PTPN1: variants seen among roughly 807,000 people sequenced by gnomAD.
PTPN1 encodes tyrosine-protein phosphatase non-receptor type 1.
A neutral mutation model predicts 59.9 loss-of-function variants in PTPN1; 12 were observed. The ratio of observed to expected loss-of-function variants is 0.20; its 90% CI spans 0.13 to 0.32. The LOEUF (loss-of-function observed/expected upper bound fraction) is 0.32. Ranked by LOEUF, PTPN1 falls within the 10% of genes least tolerant of loss-of-function variation. PTPN1 has a pLI of 1.00. For synonymous variants in PTPN1, 178 were observed against 203.6 expected, an observed-to-expected ratio of 0.87 and a Z score of 1.07; for missense variants, 356 against 549.2, an observed-to-expected ratio of 0.65 and a Z score of 3.52.
At chr20:50,541,624 C>G (rs1470059564) in intron 1 of PTPN1, among the ~76,000 whole-genome samples, 3 of 152,142 alleles carry the variant, frequency 2.0e-5, no homozygotes, top group African/African-American at 7.2e-5. Flanking sequence ...CTTCCTCTCT[C>G]CTTTCTGACC....
intron 1 of PTPN1, among the ~76,000 whole-genome samples, chr20:50,516,704 T>C (rs780594793): frequency 1.3e-5 from 2 of 152,228 alleles, no homozygotes; most frequent in East Asian, 3.8e-4. Flanking sequence ...TGAGTAGCCC[T>C]GACACGTACG....
At chr20:50,513,812 A>G (rs1017737526) in intron 1 of PTPN1, among the ~76,000 whole-genome samples, 1 of 152,216 alleles carries the variant, frequency 6.6e-6, no homozygotes, top group Non-Finnish European at 1.5e-5. Flanking sequence ...AATAATGTTT[A>G]TTTAAATACT....
chr20:50,567,846 A>G (rs545140882), intron 3 of PTPN1, among the ~76,000 whole-genome samples: 18 of 152,360 alleles, frequency 1.2e-4, no homozygotes, highest in African/African-American at 4.3e-4. Flanking sequence ...GACTGTGCTA[A>G]GTACTTTATA....
chr20:50,550,072 C>A (rs180862596), intron 1 of PTPN1, among the ~76,000 whole-genome samples: 114 of 151,932 alleles, frequency 7.5e-4, no homozygotes, highest in African/African-American at 2.7e-3. Flanking sequence ...ACCCCACCCC[C>A]CCTTCTATAT....
intron 1 of PTPN1, among the ~76,000 whole-genome samples, chr20:50,525,761 T>G (rs879777963): frequency 1.4e-4 from 21 of 152,200 alleles, no homozygotes; most frequent in Non-Finnish European, 2.4e-4. Flanking sequence ...GAGTTTTTTT[T>G]TTCTCTTTCT....
rs184251638 is a variant in PTPN1, at chr20:50,510,497, G to C, written c.-31G>C. Reference sequence around the variant, plus strand: ...AGCGGCAGACGGCGCAGTGGGCCGAGAAGGAGGCGCAGCAGCCGCCCTGGC... The same window carrying C: ...AGCGGCAGACGGCGCAGTGGGCCGACAAGGAGGCGCAGCAGCCGCCCTGGC... On this transcript the variant is annotated 5_prime_UTR_variant, in exon 1 of 10. Coordinates refer to ENST00000371621, the MANE Select transcript of PTPN1 (RefSeq NM_002827.4). 1,239 of 1,548,184 alleles carry C rather than the reference G, an allele frequency of 8.0e-4. 10 individuals are homozygous for C. In the African/African-American group the frequency reaches 0.015, roughly 19 times the overall value.
At chr20:50,511,397 G>A (rs184508523) in intron 1 of PTPN1, among the ~76,000 whole-genome samples, 259 of 152,296 alleles carry the variant, frequency 1.7e-3, no homozygotes, top group Non-Finnish European at 1.6e-3. Context: ...GAACCAAGAG[G>A]AGCAGAAAGC....
intron 1 of PTPN1, among the ~76,000 whole-genome samples, chr20:50,559,022 G>A (rs372438852): frequency 3.4e-4 from 50 of 147,564 alleles, no homozygotes; most frequent in Middle Eastern, 3.5e-3. Flanking sequence ...GACCTTACAC[G>A]TCAGGGAATT....
At chr20:50,539,112 C>T (rs1175843471) in intron 1 of PTPN1, among the ~76,000 whole-genome samples, 7 of 150,092 alleles carry the variant, frequency 4.7e-5, no homozygotes, top group African/African-American at 9.9e-5. Flanking sequence ...TTCGGCTCAC[C>T]GCAACCTCCA....
chr20:50,561,480 T>C, intron 2 of PTPN1, 27 bp downstream of exon 2: 2 of 1,477,926 alleles, frequency 1.4e-6, no homozygotes, highest in South Asian at 1.2e-5. Context: ...CCGGTACCAG[T>C]CTTGCTCTTC....
chr20:50,552,217 C>T (rs1005423063), intron 1 of PTPN1, among the ~76,000 whole-genome samples: 3 of 152,022 alleles, frequency 2.0e-5, no homozygotes, highest in Non-Finnish European at 4.4e-5. Context: ...TCCTATCACC[C>T]CTCAATTTTA....
At chr20:50,518,594 G>A (rs763837921) in intron 1 of PTPN1, among the ~76,000 whole-genome samples, 6 of 151,776 alleles carry the variant, frequency 4.0e-5, no homozygotes, top group Non-Finnish European at 5.9e-5. Flanking sequence ...TTTTTTTTTC[G>A]GGGCAGGGAG....
At chr20:50,529,914 G>A (rs554093209) in intron 1 of PTPN1, among the ~76,000 whole-genome samples, 3 of 151,696 alleles carry the variant, frequency 2.0e-5, no homozygotes, top group East Asian at 1.9e-4. Context: ...TTGCTCTGTC[G>A]CCCAGGCTGG....
chr20:50,580,390 C>T (rs1258021536), intron 8 of PTPN1, among the ~76,000 whole-genome samples: 1 of 152,132 alleles, frequency 6.6e-6, no homozygotes, highest in Non-Finnish European at 1.5e-5. Context: ...TTATTGAGTA[C>T]CTATTGATAT....
intron 1 of PTPN1, among the ~76,000 whole-genome samples, chr20:50,525,150 C>A (rs1388014405): frequency 6.6e-6 from 1 of 152,138 alleles, no homozygotes; most frequent in East Asian, 1.9e-4. Context: ...ACCTCCGCCT[C>A]CCAGGTTCAA....
At chr20:50,565,500 A>C (rs2082774715) in intron 3 of PTPN1, among the ~76,000 whole-genome samples, 1 of 152,214 alleles carries the variant, frequency 6.6e-6, no homozygotes, top group Non-Finnish European at 1.5e-5. Flanking sequence ...CATGGTTCTC[A>C]TTCTTTGGCC....
At chr20:50,520,121 C>T (rs2082544622) in intron 1 of PTPN1, among the ~76,000 whole-genome samples, 3 of 152,112 alleles carry the variant, frequency 2.0e-5, no homozygotes, top group Admixed American at 1.3e-4. Flanking sequence ...CCTGTAATCC[C>T]AGCACTTTGG....
intron 1 of PTPN1, among the ~76,000 whole-genome samples, chr20:50,526,826 C>T (rs2082578019): frequency 6.6e-6 from 1 of 152,124 alleles, no homozygotes; most frequent in Non-Finnish European, 1.5e-5. Context: ...CATCTTCTTA[C>T]CTACCACCTC....
rs2082827117 is a variant in PTPN1, at chr20:50,574,629, G to A, written c.467G>A (p.Arg156Gln). Reference protein sequence around the residue: ...SEDIKSYYTVRQLELENLTTQ... With the variant: ...SEDIKSYYTVQQLELENLTTQ... ...GATATCAAGTCATATTATACAGTGC[G>A]ACAGCTAGAATTGGAAAACCTTACA... The change falls in exon 5 of 10, where the codon CGA becomes CAA. Residue 156 changes from arginine (R) to glutamine (Q), a missense_variant. Coordinates refer to ENST00000371621, the MANE Select transcript of PTPN1 (RefSeq NM_002827.4). 2.5e-6 allele frequency: 4 copies of A among 1,603,312 alleles called. No individual in the cohort carries two copies. Among genetic ancestry groups the A allele is most frequent in the South Asian group, 1.1e-5 (1 of 88,474 alleles).
Sources: gnomAD v4.1 joint callset for allele counts (sites outside exome capture counted in the v4.1 genomes callset) on GRCh38, gnomAD v4.1.1 for gene constraint, MANE v1.5 for transcripts, NCBI Gene and HGNC (gene_info 2026-07-23, HGNC 2026-07-21) for gene names.